ARAP2: variants seen among roughly 807,000 people sequenced by gnomAD.
The protein encoded by ARAP2 is arf-GAP with Rho-GAP domain, ANK repeat and PH domain-containing protein 2.
Under a neutral mutation model 194.5 loss-of-function variants are expected in ARAP2, and 148 were observed. The observed-to-expected ratio is 0.76, with a 90% CI of 0.67 to 0.87. The LOEUF (loss-of-function observed/expected upper bound fraction) is 0.87. Among genes scored for constraint, ARAP2 ranks in the 40% least tolerant of loss-of-function variants. ARAP2 has a pLI of 0.00. For synonymous variants in ARAP2, 695 were observed against 683.5 expected (o/e 1.02, Z -0.26); for missense variants, 2,128 against 1,989.7 (o/e 1.07, Z -1.32).
At chr4:36,205,522 C>T (rs113539645) in intron 6 of ARAP2, among the ~76,000 whole-genome samples, 194 of 151,810 alleles carry the variant, frequency 1.3e-3, no homozygotes, top group African/African-American at 4.5e-3. Flanking sequence ...GATTTCTTTG[C>T]CTTGTATTTA....
chr4:36,081,710 A>G (rs1377510899), intron 30 of ARAP2, among the ~76,000 whole-genome samples: 3 of 151,966 alleles, frequency 2.0e-5, no homozygotes, highest in East Asian at 3.9e-4. Flanking sequence ...AGGCAGATCA[A>G]TGAAGGCCAG....
chr4:36,005,469 C>T (rs918614956), intron 10 of ARAP2: 3 of 152,028 alleles, frequency 2.0e-5, no homozygotes, highest in Non-Finnish European at 2.9e-5. Context: ...TTATTAAATA[C>T]TAAGTCACAT....
At chr4:36,171,250 G>A (rs1195956675) in intron 9 of ARAP2, among the ~76,000 whole-genome samples, 1 of 152,106 alleles carries the variant, frequency 6.6e-6, no homozygotes, top group Non-Finnish European at 1.5e-5. Context: ...ATTCACAATA[G>A]CAAAGACTTG....
intron 9 of ARAP2, among the ~76,000 whole-genome samples, chr4:36,172,813 T>C (rs1736947301): frequency 6.6e-6 from 1 of 152,218 alleles, no homozygotes; most frequent in Non-Finnish European, 1.5e-5. Flanking sequence ...TTGTATGACA[T>C]TGGCACCAGC....
intron 26 of ARAP2, among the ~76,000 whole-genome samples, chr4:36,113,593 T>C (rs1430240343): frequency 6.6e-6 from 1 of 151,932 alleles, no homozygotes; most frequent in Non-Finnish European, 1.5e-5. Flanking sequence ...AGACATTCTG[T>C]GTATTATTTT....
chr4:36,203,772 G>C (rs73129103), intron 6 of ARAP2, among the ~76,000 whole-genome samples: 1 of 151,984 alleles, frequency 6.6e-6, no homozygotes, highest in South Asian at 2.1e-4. Context: ...CGGTGCTTCC[G>C]ATCAGTTTTG....
intron 27 of ARAP2, among the ~76,000 whole-genome samples, chr4:36,096,409 A>G (rs1715334177): frequency 6.6e-6 from 1 of 151,748 alleles, no homozygotes; most frequent in Admixed American, 6.6e-5. Flanking sequence ...TCTTAAACCC[A>G]ACAACCCTTA....
At chr4:36,236,166 C>T (rs1428858609) in intron 1 of ARAP2, among the ~76,000 whole-genome samples, 1 of 140,876 alleles carries the variant, frequency 7.1e-6, no homozygotes, top group African/African-American at 2.8e-5. Flanking sequence ...GCAACAGAGC[C>T]AGACCCTGTC....
intron 5 of ARAP2, among the ~76,000 whole-genome samples, chr4:36,023,502 G>C (rs1008866660): frequency 6.6e-6 from 1 of 152,104 alleles, no homozygotes; most frequent in Non-Finnish European, 1.5e-5. Context: ...GCAGCTGGCA[G>C]TATGGCAGAC....
exon 10 of ARAP2, chr4:36,006,922 C>G (rs1009162175): frequency 6.6e-6 from 1 of 151,766 alleles, no homozygotes; most frequent in Non-Finnish European, 1.5e-5. Context: ...GTGGTGTGAG[C>G]CTGTAGTCCC....
rs757375012 is a variant in ARAP2, at chr4:36,117,083, G to T, written c.4016C>A (p.Pro1339His). The part of the protein sequence containing the change: ...LIEVYVERKE[P>H]DCSIIIRISP... ...TACCCGAATTATAATACTACAGTCG[G>T]GTTCCTTCCTTTCTACATATACTTC... The change falls in exon 25 of 33, where the codon CCC (proline) becomes CAC (histidine). Residue 1339 changes from proline to histidine, a missense_variant. Coordinates refer to ENST00000303965, the MANE Select transcript of ARAP2 (RefSeq NM_015230.4). The T allele has an allele frequency of 3.8e-6, 6 of 1,598,824 alleles. No homozygotes were observed. The South Asian group carries it at 5.6e-5, about 15-fold the overall frequency.
intron 24 of ARAP2, 56 bp from the exon 25 acceptor site, chr4:36,117,191 T>C: frequency 2.3e-6 from 3 of 1,282,672 alleles, no homozygotes; most frequent in Non-Finnish European, 3.2e-6. Flanking sequence ...AAAACACATA[T>C]TTGAAACTGA....
At chr4:36,111,343 A>G (rs940867274) in intron 26 of ARAP2, among the ~76,000 whole-genome samples, 2 of 151,880 alleles carry the variant, frequency 1.3e-5, no homozygotes, top group Non-Finnish European at 2.9e-5. Flanking sequence ...TGTGGTACAC[A>G]CATGTTCCAC....
At position 36,147,664 on chromosome 4, in the gene ARAP2, G is replaced by T; in HGVS notation, c.3083C>A (p.Ala1028Asp). Residue 1028 changes from alanine to aspartate, a missense_variant, in exon 18 of 33, where the codon GCC (alanine) becomes GAC (aspartate). Physicochemically the swap from Ala to Asp is moderately radical, Grantham distance 126. Transcript: ENST00000303965. ...CCAGCCTTTTCTCCACTGATCCAGGGCATGGCAGTCTTTGTAGAAGAGTTG... is the reference window on the plus strand; with the variant it reads ...CCAGCCTTTTCTCCACTGATCCAGGTCATGGCAGTCTTTGTAGAAGAGTTG... ...IGQLFYKDCH[A>D]LDQWRKGWFA... is the part of the protein sequence containing the mutation. The T allele has an allele frequency of 1.2e-6, 2 of 1,613,348 alleles. No individual in the cohort carries two copies. Among genetic ancestry groups the T allele is most frequent in the Non-Finnish European group, 1.7e-6 (2 of 1,179,616 alleles).
At chr4:36,193,741 A>G (rs1231413545) in intron 6 of ARAP2, 94 bp from the exon 7 acceptor site, 5 of 966,176 alleles carry the variant, frequency 5.2e-6, no homozygotes, top group Non-Finnish European at 7.6e-6. Flanking sequence ...ATATATTATT[A>G]TTTAATGTTA....
intron 5 of ARAP2, among the ~76,000 whole-genome samples, chr4:36,020,904 A>C (rs546772173): frequency 1.3e-5 from 2 of 152,232 alleles, no homozygotes. Context: ...GAATGATTCA[A>C]GAACTTTTTA....
At chr4:36,132,649 T>G (rs189384662) in intron 20 of ARAP2, among the ~76,000 whole-genome samples, 1 of 151,794 alleles carries the variant, frequency 6.6e-6, no homozygotes, top group Non-Finnish European at 1.5e-5. Flanking sequence ...AAAACTGACA[T>G]GAAGCTGGAC....
intron 1 of ARAP2, among the ~76,000 whole-genome samples, chr4:36,236,077 G>A (rs1752384631): frequency 6.6e-6 from 1 of 151,796 alleles, no homozygotes; most frequent in South Asian, 2.1e-4. Context: ...TACTCAGAAG[G>A]CTGAGGTGGG....
At chr4:36,183,031 G>A (rs923363678) in intron 8 of ARAP2, among the ~76,000 whole-genome samples, 3 of 152,034 alleles carry the variant, frequency 2.0e-5, no homozygotes, top group Admixed American at 6.5e-5. Context: ...CCCCACAATC[G>A]AGTATTTTAA....
Sources: allele counts gnomAD v4.1 joint callset (sites outside exome capture counted in the v4.1 genomes callset), GRCh38; gene constraint gnomAD v4.1.1; transcripts MANE v1.5; gene names NCBI Gene and HGNC (gene_info 2026-07-23, HGNC 2026-07-21).